The following MYO3A variants were observed in gnomAD, a reference collection of about 807,000 sequenced individuals.
MYO3A encodes the protein myosin-IIIa.
A neutral mutation model predicts 192.7 loss-of-function variants in MYO3A; 180 were observed. The observed-to-expected ratio is 0.93, with a 90% CI of 0.83 to 1.06. The LOEUF (loss-of-function observed/expected upper bound fraction) is 1.06, where lower values mean the gene tolerates loss of function less well. Among genes scored for constraint, MYO3A ranks in the 50% least tolerant of loss-of-function variants. The probability of loss-of-function intolerance (pLI) is 0.00; values close to 1 mark genes in which losing one functional copy is unlikely to be tolerated. For missense variants in MYO3A, 1,896 were observed against 1,905.0 expected (o/e 1.00, Z 0.09); for synonymous variants, 628 against 645.3 (o/e 0.97, Z 0.41).
chr10:25,995,386 TA>T (rs1840358763), intron 4 of MYO3A, among the ~76,000 whole-genome samples: 1 of 152,174 alleles, frequency 6.6e-6, no homozygotes, highest in African/African-American at 2.4e-5. Flanking sequence ...CTGCATTGGT[TA>T]TTCTAGTTAG....
intron 6 of MYO3A, among the ~76,000 whole-genome samples, chr10:26,005,276 T>C (rs1214701482): frequency 1.3e-5 from 2 of 152,066 alleles, no homozygotes; most frequent in African/African-American, 4.8e-5. Context: ...CAAACCCAAA[T>C]TCAGGAACAG....
At chr10:26,162,465 C>G (rs1841530435) in intron 26 of MYO3A, among the ~76,000 whole-genome samples, 2 of 152,266 alleles carry the variant, frequency 1.3e-5, no homozygotes, top group South Asian at 4.1e-4. Context: ...TGTAATCTCT[C>G]ATTTATGATT....
intron 29 of MYO3A, 79 bp downstream of exon 29, chr10:26,170,618 C>G (rs764752128): frequency 3.1e-4 from 462 of 1,474,754 alleles, no homozygotes; most frequent in Non-Finnish European, 4.1e-4. Flanking sequence ...ATGTTCACAG[C>G]CTTTCTTGTA....
intron 14 of MYO3A, among the ~76,000 whole-genome samples, chr10:26,079,058 T>C (rs1334498511): frequency 6.6e-6 from 1 of 152,170 alleles, no homozygotes; most frequent in East Asian, 1.9e-4. Context: ...AAATCCATTG[T>C]TTCTTTGTTG....
At chr10:26,174,578 A>T (rs1216899558) in intron 30 of MYO3A, 21 bp downstream of exon 30, 1 of 1,590,016 alleles carries the variant, frequency 6.3e-7, no homozygotes, top group Non-Finnish European at 8.6e-7. Context: ...AAATAAATTT[A>T]TTTACTAATA....
intron 10 of MYO3A, among the ~76,000 whole-genome samples, chr10:26,061,122 G>C (rs1490586836): frequency 1.3e-5 from 2 of 151,892 alleles, no homozygotes; most frequent in Non-Finnish European, 2.9e-5. Context: ...GTAGAGACGG[G>C]GTTTCACCGT....
At chr10:25,967,331 C>T (rs750003126) in intron 4 of MYO3A, among the ~76,000 whole-genome samples, 1 of 152,074 alleles carries the variant, frequency 6.6e-6, no homozygotes, top group African/African-American at 2.4e-5. Flanking sequence ...TTACTACCAG[C>T]CAAAATGGGG....
intron 15 of MYO3A, among the ~76,000 whole-genome samples, chr10:26,094,424 T>C (rs941395712): frequency 7.0e-6 from 1 of 142,826 alleles, no homozygotes; most frequent in Admixed American, 6.9e-5. Context: ...TAATTTCTTT[T>C]TTTTTTTTTT....
intron 4 of MYO3A, among the ~76,000 whole-genome samples, chr10:25,956,091 G>A (rs7094042): frequency 0.018 from 2,767 of 152,190 alleles, 95 homozygotes; most frequent in African/African-American, 0.063. Context: ...CATGGCAGAA[G>A]GCAGAAGGCA....
chr10:26,077,408 A>G (rs1332380610), intron 14 of MYO3A, among the ~76,000 whole-genome samples: 2 of 151,500 alleles, frequency 1.3e-5, no homozygotes, highest in Admixed American at 6.6e-5. Context: ...AGGAGTCCTT[A>G]GGGTTTTCAA....
At chr10:26,171,946 T>A (rs1842067594) in intron 29 of MYO3A, among the ~76,000 whole-genome samples, 1 of 152,206 alleles carries the variant, frequency 6.6e-6, no homozygotes. Flanking sequence ...ATGTAGCAGA[T>A]ACTTATTAAG....
intron 16 of MYO3A, 39 bp from the exon 17 acceptor site, chr10:26,096,529 A>G (rs1279599089): frequency 3.1e-6 from 5 of 1,598,736 alleles, no homozygotes; most frequent in African/African-American, 1.3e-5. Flanking sequence ...CTTTTCCCTT[A>G]ATTTTAGACT....
chr10:26,083,879 G>A (rs1189006964), intron 14 of MYO3A, among the ~76,000 whole-genome samples: 1 of 152,122 alleles, frequency 6.6e-6, no homozygotes, highest in African/African-American at 2.4e-5. Flanking sequence ...GGTAGCTCCT[G>A]TATTCTTTGG....
rs575475476 is a variant in MYO3A, at chr10:25,945,842, G to C, written c.-17-6252G>C. Among the ~76,000 whole-genome samples, 13 of 152,012 alleles carry C rather than the reference G, an allele frequency of 8.6e-5. No individual in the cohort carries two copies. The South Asian group carries it at 2.7e-3, about 32-fold the overall frequency. ...CATTTCCTCTAATACTATCTCCCTTGTATTTAGTGTATATTTTGTAATGAC... is the reference window on the plus strand; with the variant it reads ...CATTTCCTCTAATACTATCTCCCTTCTATTTAGTGTATATTTTGTAATGAC... On this transcript the variant is annotated intron_variant, in intron 2 of 34. Coordinates refer to ENST00000642920, the MANE Select transcript of MYO3A (RefSeq NM_017433.5).
chr10:26,139,681 T>G (rs186815766), intron 20 of MYO3A, among the ~76,000 whole-genome samples: 1 of 152,020 alleles, frequency 6.6e-6, no homozygotes. Context: ...GGTGGGGGAA[T>G]CATTTGAGGT....
Position 26,212,267 on chromosome 10 carries a change from T to C in MYO3A, c.*304T>C. The stretch of plus-strand genomic sequence containing the variant: ...TTGTTCCCCTAATCTATCACTTTGT[T>C]CTTTTTTTTTGTGACTCCTGTGGAC... On this transcript the variant is annotated 3_prime_UTR_variant, in exon 35 of 35. Coordinates refer to ENST00000642920, the MANE Select transcript of MYO3A (RefSeq NM_017433.5). The C allele has an allele frequency of 2.2e-6, 1 of 447,326 alleles. No homozygotes were observed. Among genetic ancestry groups the C allele is most frequent in the Non-Finnish European group, 3.9e-6 (1 of 253,740 alleles). The allele number at this position is 447,326 out of a possible 1,614,324, so 27.7% of individuals were successfully genotyped here. A position where few individuals can be genotyped will look rare whatever the true frequency, so the allele number is the denominator to read the frequency against.
chr10:26,089,842 C>T (rs1378103120), intron 15 of MYO3A, among the ~76,000 whole-genome samples: 1 of 152,072 alleles, frequency 6.6e-6, no homozygotes, highest in Non-Finnish European at 1.5e-5. Flanking sequence ...AAGGTACCTA[C>T]AGTATATAGC....
intron 18 of MYO3A, among the ~76,000 whole-genome samples, chr10:26,121,104 C>G (rs908888854): frequency 1.3e-5 from 2 of 151,512 alleles, no homozygotes; most frequent in Non-Finnish European, 2.9e-5. Context: ...GTAAACTGAT[C>G]TGAAAAAGAA....
At chr10:26,040,840 T>A (rs1201681667) in intron 10 of MYO3A, among the ~76,000 whole-genome samples, 1 of 152,156 alleles carries the variant, frequency 6.6e-6, no homozygotes, top group Non-Finnish European at 1.5e-5. Flanking sequence ...GAATTACCCA[T>A]GTGCTGAGGA....
Sources: gnomAD v4.1 joint callset for allele counts (sites outside exome capture counted in the v4.1 genomes callset) on GRCh38, gnomAD v4.1.1 for gene constraint, MANE v1.5 for transcripts, NCBI Gene and HGNC (gene_info 2026-07-23, HGNC 2026-07-21) for gene names.